LILRB5: variants seen among roughly 807,000 people sequenced by gnomAD.
The protein encoded by LILRB5 is leukocyte immunoglobulin like receptor B5, also known as leukocyte immunoglobulin-like receptor subfamily B member 5.
A neutral mutation model predicts 68.4 loss-of-function variants in LILRB5; 61 were observed. The ratio of observed to expected loss-of-function variants is 0.89; its 90% CI spans 0.73 to 1.10. The LOEUF (loss-of-function observed/expected upper bound fraction) is 1.10, where lower values mean the gene tolerates loss of function less well. Among genes scored for constraint, LILRB5 ranks in the 50% least tolerant of loss-of-function variants. LILRB5 has a pLI of 0.00. For missense variants in LILRB5, 771 were observed against 751.6 expected (o/e 1.03, Z -0.30); for synonymous variants, 356 against 315.8 (o/e 1.13, Z -1.35).
In LILRB5 at chr19:54,250,460, C is replaced by A. The variant is rs1361723671; in HGVS notation, c.*326G>T. On this transcript the variant is annotated 3_prime_UTR_variant, in exon 13 of 13. Transcript: ENST00000449561. ...GTTTTATTCTTTTCTAATTCATTCG[C>A]TCATTTGTAGTTTTCCGATTTCATC... 8 of 306,354 alleles carry A rather than the reference C, an allele frequency of 2.6e-5. No individual in the cohort carries two copies. Among genetic ancestry groups the A allele is most frequent in the Admixed American group, 4.6e-5 (1 of 21,964 alleles). The allele number at this position is 306,354 out of a possible 1,614,324, so 19.0% of individuals were successfully genotyped here. A position where few individuals can be genotyped will look rare whatever the true frequency, so the allele number is the denominator to read the frequency against.
At position 54,256,194 on chromosome 19, in the gene LILRB5, T is replaced by G; in HGVS notation, c.504A>C (p.Ser168=). The G allele has an allele frequency of 6.2e-7, 1 of 1,613,848 alleles. No homozygotes were observed. Among genetic ancestry groups the G allele is most frequent in the Non-Finnish European group, 8.5e-7 (1 of 1,179,938 alleles). Residue 168 remains serine (S), a synonymous_variant, in exon 4 of 13, where the codon TCA becomes TCC. Transcript: ENST00000449561. The stretch of plus-strand genomic sequence containing the variant: ...GGGATGGCCCTTTGGGGAGCTTCTG[T>G]GAGTACAGGGTCCTGGGGAGCTTCT... ...EEQKLPRTLY[S]QKLPKGPSQA...
chr19:54,251,685 G>A, intron 12 of LILRB5: 1 of 632,042 alleles, frequency 1.6e-6, no homozygotes, highest in South Asian at 1.5e-5. Context: ...TGCTGTGTCT[G>A]CAGCTCCCAT....
rs1601044474 is a variant in LILRB5 at position 54,255,594 on chromosome 19, G to A, written c.656-12C>T. The A allele has an allele frequency of 6.2e-7, 1 of 1,609,728 alleles. No individual in the cohort carries two copies. Among genetic ancestry groups the A allele is most frequent in the Non-Finnish European group, 8.5e-7 (1 of 1,177,222 alleles). On this transcript the variant is annotated splice_polypyrimidine_tract_variant and intron_variant, in intron 4 of 12. Transcript: ENST00000449561. ...CTTCCTAGACACGCCTGGAGGGAAA[G>A]AGGAATTGGGACTTGGAAGGCTGGT...
chr19:54,256,703 G>C lies in LILRB5; in HGVS notation c.141C>G (p.Leu47=). The change falls in exon 3 of 13, where the codon CTC becomes CTG. Residue 47 remains leucine (L), a synonymous_variant. Transcript: ENST00000449561. ...CAGTCTCCAGGGGCCCCTGACACCA[G>C]AGGGTCACGGGCTTCCCCCGAGCTA... ...SVIARGKPVT[L]WCQGPLETEE... is the part of the protein sequence containing the mutation. The C allele has an allele frequency of 6.2e-7, 1 of 1,614,160 alleles. No individual in the cohort carries two copies. The highest frequency in any genetic ancestry group is 8.5e-7 in the Non-Finnish European group (1 of 1,180,010).
rs370853091 is a variant in LILRB5 at position 54,250,781 on chromosome 19, G to T, written c.*5C>A. ...GTTGAGTATGAGATCTGGGTCCCCC[G>T]TGGGCTAGTGGATGGCCAGGGGGGC... is the stretch of plus-strand genomic sequence containing the variant. On this transcript the variant is annotated 3_prime_UTR_variant, in exon 13 of 13. Coordinates refer to ENST00000449561, the MANE Select transcript of LILRB5 (RefSeq NM_001081442.3). 3.9e-5 allele frequency: 63 copies of T among 1,613,914 alleles called. No homozygotes were observed. The African/African-American group carries it at 8.0e-4, about 21-fold the overall frequency.
Position 54,255,530 on chromosome 19 carries a change from G to A in LILRB5, c.708C>T (p.Arg236=), listed in dbSNP as rs148108644. The A allele has an allele frequency of 1.4e-5, 23 of 1,613,816 alleles. No individual in the cohort carries two copies. Among genetic ancestry groups the A allele is most frequent in the South Asian group, 3.3e-5 (3 of 91,092 alleles). The change falls in exon 5 of 13, where the codon CGC becomes CGT. Residue 236 remains arginine (R), a synonymous_variant. Transcript: ENST00000449561. ...GACACTGCAGGGTCAGGCTGCCTCC[G>A]CGGGCCACGACAGAGCCCTGCGGGA... is the stretch of plus-strand genomic sequence containing the variant. The part of the protein sequence containing the change: ...LLIPQGSVVA[R]GGSLTLQCRS...
chr19:54,253,008 GA>G, intron 8 of LILRB5, 21 bp from the exon 9 acceptor site: 1 of 1,495,896 alleles, frequency 6.7e-7, no homozygotes, highest in Non-Finnish European at 9.1e-7. Flanking sequence ...ATGACGTTGG[GA>G]ATGGGGATGA....
At chr19:54,255,077 G>A (rs767748764) in intron 5 of LILRB5, 40 bp from the exon 6 acceptor site, 2 of 1,560,360 alleles carry the variant, frequency 1.3e-6, no homozygotes, top group Admixed American at 1.8e-5. Context: ...GCCCCACCTT[G>A]CTCTGAGCTG....
chr19:54,254,336 C>G, intron 7 of LILRB5, 29 bp downstream of exon 7: 1 of 1,558,472 alleles, frequency 6.4e-7, no homozygotes, highest in Non-Finnish European at 8.7e-7. Flanking sequence ...ACCACGCTCC[C>G]TCCGAGCCCA....
intron 8 of LILRB5, 174 bp downstream of exon 8, chr19:54,253,844 C>T: frequency 6.7e-7 from 1 of 1,496,904 alleles, no homozygotes; most frequent in South Asian, 1.3e-5. Context: ...AGGACAGTCC[C>T]CTGAAGAATC....
chr19:54,256,727 T>C lies in LILRB5; in HGVS notation c.117A>G (p.Ile39Met), dbSNP rs1474584201. Residue 39 changes from isoleucine to methionine, a missense_variant, in exon 3 of 13, where the codon ATA becomes ATG. Ile to Met is a conservative substitution (Grantham distance 10). Coordinates refer to ENST00000449561, the MANE Select transcript of LILRB5 (RefSeq NM_001081442.3). ...AGAGGGTCACGGGCTTCCCCCGAGC[T>C]ATCACAGAGGCTGGCTCAGCCCAGA... ...PTLWAEPASVIARGKPVTLWC... is the reference protein window; with the variant it reads ...PTLWAEPASVMARGKPVTLWC... The C allele has an allele frequency of 6.2e-7, 1 of 1,613,956 alleles. No homozygotes were observed. Among genetic ancestry groups the C allele is most frequent in the Non-Finnish European group, 8.5e-7 (1 of 1,179,994 alleles).
intron 3 of LILRB5, 37 bp from the exon 4 acceptor site, chr19:54,256,379 G>C (rs756182729): frequency 6.3e-7 from 1 of 1,587,080 alleles, no homozygotes; most frequent in Non-Finnish European, 8.6e-7. Context: ...GTGGGGCTCC[G>C]ACCTCCCACA....
rs1321883286 is a variant in LILRB5, at chr19:54,256,948, G to T, written c.70+13C>A. The T allele has an allele frequency of 6.2e-7, 1 of 1,614,072 alleles. No individual in the cohort carries two copies. The highest frequency in any genetic ancestry group is 8.5e-7 in the Non-Finnish European group (1 of 1,180,030). The stretch of plus-strand genomic sequence containing the variant: ...GAGAAGAAGGGACCTGGGACAGCTG[G>T]GGACAGACTCACCTGCCTGCACGCA... On this transcript the variant is annotated intron_variant, in intron 2 of 12. Transcript: ENST00000449561.
At chr19:54,256,901 G>A (rs2079165782) in intron 2 of LILRB5, 60 bp downstream of exon 2, 1 of 1,613,284 alleles carries the variant, frequency 6.2e-7, no homozygotes, top group African/African-American at 1.3e-5. Context: ...CAGCTGCCCG[G>A]GGTTGGGCCC....
rs376631342 is a variant in LILRB5 at position 54,252,903 on chromosome 19, C to T, written c.1442G>A (p.Arg481Gln). ...LLFLLLFLLLRHRHQSKHRTS... is the reference protein window; with the variant it reads ...LLFLLLFLLLQHRHQSKHRTS... ...CCTGTGTTTGCTCTGATGCCGATGT[C>T]GGAGGAGGAGGAAGAGGAGGAGGAA... Residue 481 changes from arginine to glutamine, a missense_variant, in exon 9 of 13, where the codon CGA (arginine) becomes CAA (glutamine). Transcript: ENST00000449561. The T allele has an allele frequency of 1.6e-5, 26 of 1,597,662 alleles. No homozygotes were observed. The highest frequency in any genetic ancestry group is 6.7e-5 in the African/African-American group (5 of 74,510).
chr19:54,253,633 G>C (rs1017498488), intron 8 of LILRB5: 2 of 554,330 alleles, frequency 3.6e-6, no homozygotes, highest in Non-Finnish European at 6.5e-6. Context: ...CTGAAACTGA[G>C]TCAGAGTAGA....
At chr19:54,253,118 C>A (rs896402978) in intron 8 of LILRB5, 131 bp from the exon 9 acceptor site, 2 of 383,302 alleles carry the variant, frequency 5.2e-6, no homozygotes, top group Non-Finnish European at 9.6e-6. Context: ...GGATTGCCAA[C>A]CCCCCAATTC....
chr19:54,254,322 G>A (rs772292829), intron 7 of LILRB5, 43 bp downstream of exon 7: 4 of 1,547,008 alleles, frequency 2.6e-6, no homozygotes, highest in African/African-American at 2.7e-5. Flanking sequence ...CTGCCTGGGG[G>A]GAGACCACGC....
rs376977892 is a variant in LILRB5 at position 54,253,973 on chromosome 19, C to T, written c.1357+45G>A. 7.0e-6 allele frequency: 11 copies of T among 1,563,026 alleles called. No homozygotes were observed. In the Admixed American group the frequency reaches 1.7e-4, roughly 24 times the overall value. On this transcript the variant is annotated intron_variant, in intron 8 of 12. Coordinates refer to ENST00000449561, the MANE Select transcript of LILRB5 (RefSeq NM_001081442.3). The stretch of plus-strand genomic sequence containing the variant: ...AACCTACGACAGAACCCACCCCTGC[C>T]TCCCCTGGTCTCCGCCCACCTCCCA...
Sources: allele counts gnomAD v4.1 joint callset, GRCh38; gene constraint gnomAD v4.1.1; transcripts MANE v1.5; gene names NCBI Gene and HGNC (gene_info 2026-07-23, HGNC 2026-07-21).